Variants in MARCHF7 observed in about 807,000 individuals in gnomAD.
MARCHF7 encodes the protein membrane associated ring-CH-type finger 7.
MARCHF7 carries 20 observed loss-of-function variants against 76.5 expected under a neutral mutation model. The observed-to-expected ratio is 0.26, with a 90% confidence interval of 0.18 to 0.38. The LOEUF is 0.38. MARCHF7 is among the 10% of genes least tolerant of loss of function. The pLI, the probability that MARCHF7 is intolerant of heterozygous loss-of-function variation, is 1.00. For synonymous variants in MARCHF7, 295 were observed against 293.0 expected (o/e 1.01, Z -0.07); for missense variants, 797 against 812.9 (o/e 0.98, Z 0.24).
chr2:159,754,648 A>G (rs1706066724), intron 8 of MARCHF7, among the ~76,000 whole-genome samples: 1 of 152,196 alleles, frequency 6.6e-6, no homozygotes, highest in African/African-American at 2.4e-5. Context: ...CTAACAGAAA[A>G]AAAAGTACGA....
intron 3 of MARCHF7, among the ~76,000 whole-genome samples, chr2:159,728,312 T>C (rs147511390): frequency 1.0e-3 from 158 of 152,364 alleles, no homozygotes; most frequent in African/African-American, 3.3e-3. Flanking sequence ...ATTTTTGTTA[T>C]AATTAAGAGA....
At chr2:159,736,899 G>C (rs762718244) in intron 4 of MARCHF7, among the ~76,000 whole-genome samples, 1 of 152,060 alleles carries the variant, frequency 6.6e-6, no homozygotes, top group African/African-American at 2.4e-5. Context: ...CAGCTACTTT[G>C]GTTGGGCTAG....
intron 4 of MARCHF7, chr2:159,733,058 TTTAGTTATAA>T (rs1372279974): frequency 4.5e-5 from 27 of 605,364 alleles, no homozygotes; most frequent in South Asian, 1.5e-4. Context: ...GTTATTTTTA[TTTAGTTATAA>T]TTATTTATAA....
chr2:159,743,043 AT>A lies in MARCHF7; in HGVS notation c.154-11del. 6 of 1,597,476 alleles carry A rather than the reference AT, an allele frequency of 3.8e-6. No homozygotes were observed. The highest frequency in any genetic ancestry group is 1.7e-5 in the Admixed American group (1 of 57,456). ...AATGCAGCCTTTTGTTGTTTAAAAA[AT>A]TTTTTTGAACTCACAGTCTACATCA... is the stretch of plus-strand genomic sequence containing the variant. On this transcript the variant is annotated splice_polypyrimidine_tract_variant and intron_variant, in intron 4 of 11. Transcript: ENST00000409175.
intron 9 of MARCHF7, among the ~76,000 whole-genome samples, chr2:159,760,207 TATATG>T (rs1251212260): frequency 1.3e-5 from 2 of 152,236 alleles, no homozygotes; most frequent in Non-Finnish European, 2.9e-5. Context: ...CATACATTAA[TATATG>T]ATATTTTCTG....
intron 11 of MARCHF7, among the ~76,000 whole-genome samples, chr2:159,766,307 G>T (rs1707752974): frequency 6.6e-6 from 1 of 152,144 alleles, no homozygotes; most frequent in African/African-American, 2.4e-5. Flanking sequence ...TTTATTATCA[G>T]TCATGACTTA....
At chr2:159,754,667 G>C (rs1326859005) in intron 8 of MARCHF7, among the ~76,000 whole-genome samples, 2 of 152,110 alleles carry the variant, frequency 1.3e-5, no homozygotes, top group African/African-American at 4.8e-5. Flanking sequence ...GAAAAGAGGA[G>C]AAAGAAGATG....
intron 8 of MARCHF7, among the ~76,000 whole-genome samples, chr2:159,757,137 C>T (rs1013272411): frequency 1.3e-5 from 2 of 152,088 alleles, no homozygotes; most frequent in African/African-American, 4.8e-5. Flanking sequence ...TCAAGTGATC[C>T]GCCTGCCTCG....
At chr2:159,716,128 T>G (rs1701006803) in intron 3 of MARCHF7, among the ~76,000 whole-genome samples, 1 of 148,088 alleles carries the variant, frequency 6.8e-6, no homozygotes, top group Non-Finnish European at 1.5e-5. Context: ...TAAAAGTTAG[T>G]TAAGGGAGAC....
At chr2:159,763,813 A>AT (rs1041329861) in intron 10 of MARCHF7, among the ~76,000 whole-genome samples, 6 of 152,060 alleles carry the variant, frequency 3.9e-5, no homozygotes, top group Admixed American at 6.6e-5. Context: ...TTAGTAAAAA[A>AT]TTTTTCTTTA....
At chr2:159,714,973 G>T (rs961008822) in intron 2 of MARCHF7, among the ~76,000 whole-genome samples, 1 of 152,176 alleles carries the variant, frequency 6.6e-6, no homozygotes, top group Non-Finnish European at 1.5e-5. Context: ...GAGAGCTATT[G>T]TGTTCCTTAA....
intron 4 of MARCHF7, among the ~76,000 whole-genome samples, chr2:159,739,288 G>A (rs1251606169): frequency 6.6e-6 from 1 of 152,204 alleles, no homozygotes; most frequent in Admixed American, 6.5e-5. Flanking sequence ...TGCTGCAGCC[G>A]GCGTCTTTGT....
Position 159,769,765 on chromosome 2 carries a change from A to C in MARCHF7, c.*2423A>C, listed in dbSNP as rs1708075376. 1 of 152,204 alleles carries C rather than the reference A, an allele frequency of 6.6e-6. No homozygotes were observed. The highest frequency in any genetic ancestry group is 2.1e-4 in the South Asian group (1 of 4,834). The allele number at this position is 152,204 out of a possible 1,614,324, so 9.4% of individuals were successfully genotyped here. A position where few individuals can be genotyped will look rare whatever the true frequency, so the allele number is the denominator to read the frequency against. ...TTTTGGAAGAGCTGCCATTAGGTAG[A>C]AAGTATCAAAATGTACAAAAGAAAG... On this transcript the variant is annotated 3_prime_UTR_variant, in exon 12 of 12. Transcript: ENST00000409175.
intron 3 of MARCHF7, among the ~76,000 whole-genome samples, chr2:159,727,804 T>C (rs2125387167): frequency 6.6e-6 from 1 of 152,314 alleles, no homozygotes; most frequent in Non-Finnish European, 1.5e-5. Context: ...CAAATGAAGT[T>C]GGACACAAAA....
Position 159,716,743 on chromosome 2 carries a change from G to A in MARCHF7, c.-15+977G>A, listed in dbSNP as rs751047667. ...GTAGTGGTGTACTTTTAGTAATTCA[G>A]TACCTGTAATCTTCCCTGGATATTT... On this transcript the variant is annotated intron_variant, in intron 3 of 11. Transcript: ENST00000409175. Among the ~76,000 whole-genome samples the A allele has an allele frequency of 5.3e-5, 8 of 152,166 alleles. No individual in the cohort carries two copies. The South Asian group carries it at 1.2e-3, about 24-fold the overall frequency.
chr2:159,749,684 A>G (rs1040020235), intron 7 of MARCHF7, among the ~76,000 whole-genome samples: 1 of 151,574 alleles, frequency 6.6e-6, no homozygotes, highest in East Asian at 1.9e-4. Context: ...AAGATGTTTC[A>G]TTCATAGGTA....
chr2:159,718,287 TGCCTA>T (rs986686139), intron 3 of MARCHF7, among the ~76,000 whole-genome samples: 1 of 152,222 alleles, frequency 6.6e-6, no homozygotes, highest in East Asian at 1.9e-4. Flanking sequence ...ACTTATTTCC[TGCCTA>T]GCCTAGCCTC....
At chr2:159,759,807 A>T (rs1706799715) in intron 9 of MARCHF7, among the ~76,000 whole-genome samples, 1 of 152,152 alleles carries the variant, frequency 6.6e-6, no homozygotes. Flanking sequence ...CTTGAAAAAC[A>T]CTTTTTGGCC....
At chr2:159,757,802 G>A (rs1706523247) in intron 8 of MARCHF7, among the ~76,000 whole-genome samples, 1 of 152,190 alleles carries the variant, frequency 6.6e-6, no homozygotes, top group South Asian at 2.1e-4. Flanking sequence ...ACATTTTCAT[G>A]TATGCTAGAC....
Sources: gnomAD v4.1 joint callset for allele counts (sites outside exome capture counted in the v4.1 genomes callset) on GRCh38, gnomAD v4.1.1 for gene constraint, MANE v1.5 for transcripts, NCBI Gene and HGNC (gene_info 2026-07-23, HGNC 2026-07-21) for gene names.